Variants in LAMB4 observed in about 807,000 individuals in gnomAD.
The protein encoded by LAMB4 is laminin subunit beta-4.
LAMB4 carries 196 observed loss-of-function variants against 199.2 expected under a neutral mutation model. The ratio of observed to expected loss-of-function variants is 0.98; its 90% confidence interval spans 0.88 to 1.11. The LOEUF (loss-of-function observed/expected upper bound fraction) is 1.11. Among genes scored for constraint, LAMB4 ranks in the 50% least tolerant of loss-of-function variants. The pLI, the probability that LAMB4 is intolerant of heterozygous loss-of-function variation, is 0.00. For synonymous variants in LAMB4, 744 were observed against 770.6 expected (o/e 0.97, Z 0.57); for missense variants, 2,080 against 2,171.2 (o/e 0.96, Z 0.83).
intron 4 of LAMB4, 90 bp downstream of exon 4, chr7:108,111,721 T>G: frequency 8.9e-7 from 1 of 1,125,414 alleles, no homozygotes; most frequent in Non-Finnish European, 1.3e-6. Flanking sequence ...TATAATACTT[T>G]GCTGTGACAT....
the LAMB4 span, among the ~76,000 whole-genome samples, chr7:108,011,707 C>CCG: frequency 0.29 from 43,836 of 151,952 alleles, 6,876 homozygotes; most frequent in African/African-American, 0.43. Context: ...GCGTGAGCCA[C>CCG]TGCACTCGGC....
At chr7:108,086,775 T>C (rs2037195775) in intron 14 of LAMB4, among the ~76,000 whole-genome samples, 1 of 152,192 alleles carries the variant, frequency 6.6e-6, no homozygotes, top group Non-Finnish European at 1.5e-5. Flanking sequence ...AGTGCTGTCA[T>C]GAACCACCCA....
At chr7:108,063,706 C>G in intron 22 of LAMB4, 55 bp downstream of exon 22, 2 of 1,449,462 alleles carry the variant, frequency 1.4e-6, no homozygotes, top group Non-Finnish European at 1.9e-6. Flanking sequence ...TGACAACACA[C>G]TTATGAGCTG....
chr7:108,113,752 G>A (rs2038312258), intron 3 of LAMB4, among the ~76,000 whole-genome samples: 2 of 152,196 alleles, frequency 1.3e-5, no homozygotes, highest in East Asian at 3.8e-4. Flanking sequence ...GCCACTAAAT[G>A]TGAGTTCCAT....
In LAMB4 at chr7:108,082,213, C is replaced by G. The variant is rs369292649; in HGVS notation, c.1702-2427G>C. ...GGCACGGTGGTGCGCACCTGTAGTC[C>G]CGGCTACTTGGGAGGCTGAGGCAGG... On this transcript the variant is annotated intron_variant, in intron 14 of 33. Coordinates refer to ENST00000388781, the MANE Select transcript of LAMB4 (RefSeq NM_007356.3). Among the ~76,000 whole-genome samples, 13 of 151,834 alleles carry G rather than the reference C, an allele frequency of 8.6e-5. No individual in the cohort carries two copies. In the East Asian group the frequency reaches 1.9e-3, roughly 23 times the overall value.
rs555539125 is a variant in LAMB4 at position 108,123,137 on chromosome 7, G to A, written c.28C>T (p.His10Tyr). The A allele has an allele frequency of 1.1e-5, 17 of 1,609,174 alleles. No individual in the cohort carries two copies. The South Asian group carries it at 1.3e-4, about 13-fold the overall frequency. Residue 10 changes from histidine (H) to tyrosine (Y), a missense_variant, in exon 2 of 34, where the codon CAC (histidine) becomes TAC (tyrosine). Physicochemically the swap from His to Tyr is moderately conservative, Grantham distance 83 (BLOSUM62 2). Transcript: ENST00000388781. ...TTTGACAACAAATACTCACCAAGGT[G>A]CAAAAAAAGGGTCAGTTGAAATTGC... MQFQLTLFL[H>Y]LGWLSYSKAQ...
chr7:108,063,416 G>T (rs1264069240), intron 22 of LAMB4, among the ~76,000 whole-genome samples: 3 of 152,162 alleles, frequency 2.0e-5, no homozygotes, highest in South Asian at 2.1e-4. Flanking sequence ...CTAGGAATTT[G>T]CATGTTAATA....
At chr7:108,110,919 CTATCTTATATAT>C (rs1246756427) in intron 4 of LAMB4, among the ~76,000 whole-genome samples, 1 of 152,050 alleles carries the variant, frequency 6.6e-6, no homozygotes. Flanking sequence ...TTGCCCTAAA[CTATCTTATATAT>C]TATGATTATT....
In LAMB4 at chr7:108,030,887, C is replaced by G. The variant is rs1170875398; in HGVS notation, c.4911G>C (p.Lys1637Asn). The change falls in exon 32 of 34, where the codon AAG (lysine) becomes AAC (asparagine). Residue 1637 changes from lysine (K) to asparagine (N), a missense_variant. Physicochemically the swap from Lys to Asn is moderately conservative, Grantham distance 94 (BLOSUM62 0). Transcript: ENST00000388781. The part of the protein sequence containing the change: ...LEDGLSLLQT[K>N]LQRHQDHAVN... ...CAGCGTGGTCTTGATGCCTTTGCAA[C>G]TTGGTCTGCAGCAGGGAAAGTCCAT... 1.2e-6 allele frequency: 2 copies of G among 1,614,134 alleles called. No homozygotes were observed. The highest frequency in any genetic ancestry group is 1.7e-6 in the Non-Finnish European group (2 of 1,179,998).
Position 108,092,451 on chromosome 7 carries a change from T to C in LAMB4, c.1471-35A>G, listed in dbSNP as rs772814622. Reference sequence around the variant, plus strand: ...AAAAATGCTCAGCTGATTCCAGCTATGAAGATGCTGTTGCTCTGAAGTGCA... The same window carrying C: ...AAAAATGCTCAGCTGATTCCAGCTACGAAGATGCTGTTGCTCTGAAGTGCA... On this transcript the variant is annotated intron_variant, in intron 12 of 33. Transcript: ENST00000388781. The C allele has an allele frequency of 4.0e-6, 6 of 1,511,530 alleles. No individual in the cohort carries two copies. The East Asian group carries it at 1.1e-4, about 28-fold the overall frequency. 93.6% of individuals were successfully genotyped at this position (1,511,530 alleles called of 1,614,324 possible). A position where few individuals can be genotyped will look rare whatever the true frequency, so the allele number is the denominator to read the frequency against.
intron 4 of LAMB4, among the ~76,000 whole-genome samples, chr7:108,110,284 C>A (rs200065216): frequency 6.6e-6 from 1 of 152,222 alleles, no homozygotes; most frequent in East Asian, 1.9e-4. Flanking sequence ...CTATCTTGGC[C>A]TCCCAAAGTG....
chr7:108,031,369 GAAAA>G (rs371230419), intron 31 of LAMB4, among the ~76,000 whole-genome samples: 2 of 81,166 alleles, frequency 2.5e-5, no homozygotes, highest in African/African-American at 9.5e-5. Flanking sequence ...AAAAGGAAAA[GAAAA>G]AAAAAAAAAA....
At chr7:108,029,228 A>G (rs1283399508) in intron 32 of LAMB4, 32 bp from the exon 33 acceptor site, 27 of 1,596,406 alleles carry the variant, frequency 1.7e-5, no homozygotes, top group Non-Finnish European at 5.1e-6. Context: ...TCATGAGAAA[A>G]TATGTATAAA....
chr7:108,113,661 A>T (rs2038308579), intron 3 of LAMB4, among the ~76,000 whole-genome samples: 2 of 152,224 alleles, frequency 1.3e-5, no homozygotes, highest in South Asian at 4.1e-4. Context: ...GTTTAACTTC[A>T]GGGCTTGTGG....
chr7:108,021,536 T>A (rs1397452513), downstream of LAMB4, among the ~76,000 whole-genome samples: 2 of 151,892 alleles, frequency 1.3e-5, no homozygotes, highest in African/African-American at 2.4e-5. Context: ...ATGGAGAAAC[T>A]CTGTCTCTAC....
At chr7:108,062,181 C>G (rs549815339) in intron 23 of LAMB4, among the ~76,000 whole-genome samples, 1 of 152,194 alleles carries the variant, frequency 6.6e-6, no homozygotes, top group African/African-American at 2.4e-5. Flanking sequence ...AATTCTGTGC[C>G]CACTGGTTTA....
chr7:108,035,253 A>T (rs2035181641), intron 30 of LAMB4, among the ~76,000 whole-genome samples: 1 of 151,918 alleles, frequency 6.6e-6, no homozygotes, highest in Admixed American at 6.6e-5. Flanking sequence ...TTAATTTACG[A>T]CTGCAGGCCA....
intron 14 of LAMB4, among the ~76,000 whole-genome samples, chr7:108,080,307 T>A (rs2036880472): frequency 6.6e-6 from 1 of 152,158 alleles, no homozygotes; most frequent in African/African-American, 2.4e-5. Context: ...TTAATTAGAA[T>A]CCCTGACGGT....
chr7:108,107,776 T>C lies in LAMB4; in HGVS notation c.446A>G (p.Tyr149Cys), dbSNP rs2038077505. The change falls in exon 6 of 34, where the codon TAT becomes TGT. Residue 149 changes from tyrosine (Y) to cysteine (C), a missense_variant. Tyr to Cys is a radical substitution (Grantham distance 194, BLOSUM62 -2). Transcript: ENST00000388781. ...TTTGAACACTTTCCAGTTGTGTCCATAGTCTGTGGAACGTTCAACTAACAT... is the reference window on the plus strand; with the variant it reads ...TTTGAACACTTTCCAGTTGTGTCCACAGTCTGTGGAACGTTCAACTAACAT... ...AAMLVERSTD[Y>C]GHNWKVFKYF... 6 of 1,611,492 alleles carry C rather than the reference T, an allele frequency of 3.7e-6. No homozygotes were observed. Among genetic ancestry groups the C allele is most frequent in the South Asian group, 3.3e-5 (3 of 90,208 alleles).
Sources: allele counts gnomAD v4.1 joint callset (sites outside exome capture counted in the v4.1 genomes callset), GRCh38; gene constraint gnomAD v4.1.1; transcripts MANE v1.5; gene names NCBI Gene and HGNC (gene_info 2026-07-23, HGNC 2026-07-21).